DSTYK: variants seen among roughly 807,000 people sequenced by gnomAD.
The protein encoded by DSTYK is RIP-homologous kinase.
In DSTYK, 34 loss-of-function variants were observed where a neutral mutation model predicts 98.7. That is an observed-to-expected ratio of 0.34 (90% CI 0.26 to 0.46). The LOEUF (loss-of-function observed/expected upper bound fraction) is 0.46, where lower values mean the gene tolerates loss of function less well. DSTYK is among the 20% of genes least tolerant of loss of function. The pLI is 1.00. For missense variants in DSTYK, 962 were observed against 1,181.7 expected (o/e 0.81, Z 2.73); for synonymous variants, 462 against 457.3 (o/e 1.01, Z -0.13).
At chr1:205,195,755 G>A (rs934883159) in intron 1 of DSTYK, among the ~76,000 whole-genome samples, 7 of 152,192 alleles carry the variant, frequency 4.6e-5, no homozygotes, top group Non-Finnish European at 7.3e-5. Context: ...TATTGGCACC[G>A]GGGGAGAGGA....
At chr1:205,187,888 A>G (rs1658604298) in intron 1 of DSTYK, 82 bp from the exon 2 acceptor site, 1 of 1,323,412 alleles carries the variant, frequency 7.6e-7, no homozygotes, top group Non-Finnish European at 1.0e-6. Context: ...AGACTCACGC[A>G]GAAATCCCAT....
chr1:205,164,316 G>C (rs949154378), intron 3 of DSTYK, among the ~76,000 whole-genome samples: 2 of 152,036 alleles, frequency 1.3e-5, no homozygotes, highest in African/African-American at 4.8e-5. Flanking sequence ...GCAGGCGGGA[G>C]GATGGCTTGA....
chr1:205,198,959 G>A (rs1336685584), intron 1 of DSTYK, among the ~76,000 whole-genome samples: 2 of 151,738 alleles, frequency 1.3e-5, no homozygotes, highest in African/African-American at 4.8e-5. Context: ...AGCCTCCCAG[G>A]CACTAAAGCT....
chr1:205,201,831 G>A (rs924883909), intron 1 of DSTYK, among the ~76,000 whole-genome samples: 3 of 152,138 alleles, frequency 2.0e-5, no homozygotes, highest in Non-Finnish European at 2.9e-5. Context: ...AAGCCAAGAC[G>A]GGAGGATCAC....
chr1:205,182,498 TAA>T (rs386369411), intron 2 of DSTYK, among the ~76,000 whole-genome samples: 7 of 77,748 alleles, frequency 9.0e-5, no homozygotes, highest in South Asian at 1.1e-3. Context: ...TTAAAAACGG[TAA>T]AAAAAAAAAA....
In DSTYK at chr1:205,188,512, C is replaced by G. The variant is rs561680388; in HGVS notation, c.266-706G>C. 2.5e-4 allele frequency among the ~76,000 whole-genome samples: 38 copies of G among 152,212 alleles called. 1 individual carries two copies. The South Asian group carries it at 7.9e-3, about 32-fold the overall frequency. ...AACACAGTGGTAAGTATTTGTGTAT[C>G]TAAACATATCTAAACATAGAAAACG... is the stretch of plus-strand genomic sequence containing the variant. On this transcript the variant is annotated intron_variant, in intron 1 of 12. Transcript: ENST00000367162.
rs879002141 is a variant in DSTYK at position 205,143,150 on chromosome 1, C to CTT, written c.*4406_*4407dup. ...AAGGATTAACCTTCTTTTTCTTTTT[C>CTT]TTTTTTTTTTTTTTGAGATGGAGTC... On this transcript the variant is annotated 3_prime_UTR_variant, in exon 13 of 13. Transcript: ENST00000367162. The CTT allele has an allele frequency of 3.5e-5, 5 of 143,092 alleles. No homozygotes were observed. The highest frequency in any genetic ancestry group is 4.6e-5 in the Non-Finnish European group (3 of 65,028). The allele number at this position is 143,092 out of a possible 1,614,324, so 8.9% of individuals were successfully genotyped here. A position where few individuals can be genotyped will look rare whatever the true frequency, so the allele number is the denominator to read the frequency against.
In DSTYK at chr1:205,147,288, C is replaced by T. The variant is rs1657264672; in HGVS notation, c.*270G>A. 1 of 320,776 alleles carries T rather than the reference C, an allele frequency of 3.1e-6. No individual in the cohort carries two copies. The highest frequency in any genetic ancestry group is 1.0e-4 in the South Asian group (1 of 9,930). 19.9% of individuals were successfully genotyped at this position (320,776 alleles called of 1,614,324 possible). A position where few individuals can be genotyped will look rare whatever the true frequency, so the allele number is the denominator to read the frequency against. On this transcript the variant is annotated 3_prime_UTR_variant, in exon 13 of 13. Transcript: ENST00000367162. ...TCTGCCTCCTTTTCATTTGTGAAGC[C>T]AGAACACCACATTCCTCAGCTTTTA...
At chr1:205,178,336 T>C (rs1658292673) in intron 2 of DSTYK, among the ~76,000 whole-genome samples, 1 of 152,070 alleles carries the variant, frequency 6.6e-6, no homozygotes, top group East Asian at 1.9e-4. Context: ...GAATGGTCTC[T>C]ATGCATTCTA....
In DSTYK at chr1:205,211,484, G is replaced by T; in HGVS notation, c.52C>A (p.Pro18Thr). 1 of 1,584,104 alleles carries T rather than the reference G, an allele frequency of 6.3e-7. No individual in the cohort carries two copies. The change falls in exon 1 of 13, where the codon CCC becomes ACC. Residue 18 changes from proline (P) to threonine (T), a missense_variant. Physicochemically the swap from Pro to Thr is conservative, Grantham distance 38. Coordinates refer to ENST00000367162, the MANE Select transcript of DSTYK (RefSeq NM_015375.3). ...WGSEPVSGPG[P>T]GGGGMIRELC... ...TCGCGGATCATTCCGCCGCCGCCGGGGCCGGGACCCGAGACGGGCTCGCTG... is the reference window on the plus strand; with the variant it reads ...TCGCGGATCATTCCGCCGCCGCCGGTGCCGGGACCCGAGACGGGCTCGCTG...
At chr1:205,164,848 T>C (rs1304287618) in intron 3 of DSTYK, among the ~76,000 whole-genome samples, 2 of 152,172 alleles carry the variant, frequency 1.3e-5, no homozygotes, top group Admixed American at 6.5e-5. Context: ...AAAATAAGGA[T>C]TTTACACATG....
intron 1 of DSTYK, among the ~76,000 whole-genome samples, chr1:205,210,381 T>G (rs1422357097): frequency 1.3e-5 from 2 of 152,214 alleles, no homozygotes; most frequent in Admixed American, 6.5e-5. Flanking sequence ...TTTGCTGTTT[T>G]GTCCCCAAGA....
At chr1:205,211,003 G>T (rs549874662) in intron 1 of DSTYK, among the ~76,000 whole-genome samples, 1 of 152,092 alleles carries the variant, frequency 6.6e-6, no homozygotes, top group African/African-American at 2.4e-5. Context: ...CGCACACCCC[G>T]GTCCCCGGGG....
At chr1:205,204,965 C>G (rs1163915517) in intron 1 of DSTYK, among the ~76,000 whole-genome samples, 5 of 152,148 alleles carry the variant, frequency 3.3e-5, no homozygotes, top group Non-Finnish European at 7.3e-5. Flanking sequence ...GAATAGGAAC[C>G]TAGGTTTCAT....
intron 1 of DSTYK, among the ~76,000 whole-genome samples, chr1:205,193,210 G>A (rs1658762273): frequency 6.6e-6 from 1 of 152,190 alleles, no homozygotes; most frequent in Admixed American, 6.5e-5. Context: ...TCAACAGTCA[G>A]TGTGTATTAC....
intron 3 of DSTYK, among the ~76,000 whole-genome samples, chr1:205,164,738 G>A (rs1032615960): frequency 1.3e-5 from 2 of 152,168 alleles, no homozygotes; most frequent in Admixed American, 6.5e-5. Flanking sequence ...TGGGATTACA[G>A]GTGTGAGCCA....
Position 205,147,644 on chromosome 1 carries a change from C to T in DSTYK, c.2704G>A (p.Val902Ile), listed in dbSNP as rs1050984076. 15 of 1,614,024 alleles carry T rather than the reference C, an allele frequency of 9.3e-6. No homozygotes were observed. Among genetic ancestry groups the T allele is most frequent in the Admixed American group, 1.7e-5 (1 of 59,996 alleles). ...ATGATGCCCTGGAGCATGGGCTGGA[C>T]AATGCCCAAGAGAGGCCTCTTCAAG... Reference protein sequence around the residue: ...DPLKRPLLGIVQPMLQGIMNR... With the variant: ...DPLKRPLLGIIQPMLQGIMNR... The change falls in exon 13 of 13, where the codon GTC (valine) becomes ATC (isoleucine). Residue 902 changes from valine to isoleucine, a missense_variant. Val to Ile is a conservative substitution (Grantham distance 29). Transcript: ENST00000367162.
chr1:205,165,719 C>T (rs1448652356), intron 3 of DSTYK, among the ~76,000 whole-genome samples: 1 of 152,204 alleles, frequency 6.6e-6, no homozygotes, highest in Non-Finnish European at 1.5e-5. Flanking sequence ...TATACCCTTA[C>T]AAGTCCCAAG....
At chr1:205,201,690 G>A (rs1363943810) in intron 1 of DSTYK, among the ~76,000 whole-genome samples, 1 of 152,138 alleles carries the variant, frequency 6.6e-6, no homozygotes, top group Non-Finnish European at 1.5e-5. Context: ...GGTACAAAAT[G>A]AGTAAAACAT....
Sources: gnomAD v4.1 joint callset for allele counts (sites outside exome capture counted in the v4.1 genomes callset) on GRCh38, gnomAD v4.1.1 for gene constraint, MANE v1.5 for transcripts, NCBI Gene and HGNC (gene_info 2026-07-23, HGNC 2026-07-21) for gene names.